NRXN3: variants seen among roughly 807,000 people sequenced by gnomAD.
NRXN3 encodes the protein neurexin 3.
In NRXN3, 32 loss-of-function variants were observed where a neutral mutation model predicts 137.6. The observed-to-expected ratio is 0.23, with a 90% CI of 0.18 to 0.31. The LOEUF (loss-of-function observed/expected upper bound fraction) is 0.31, where lower values mean the gene tolerates loss of function less well. Ranked by LOEUF, NRXN3 falls within the 10% of genes least tolerant of loss-of-function variation. The pLI is 1.00. For missense variants in NRXN3, 1,574 were observed against 2,062.5 expected (o/e 0.76, Z 4.59); for synonymous variants, 798 against 784.5 (o/e 1.02, Z -0.29).
intron 19 of NRXN3, among the ~76,000 whole-genome samples, chr14:79,756,576 G>A (rs376721912): frequency 7.9e-5 from 12 of 152,098 alleles, no homozygotes; most frequent in African/African-American, 2.7e-4. Context: ...ACCAGAGAAC[G>A]AAATATTAAT....
chr14:79,214,298 GCCTAGACTGTGCA>G (rs1488415037), intron 15 of NRXN3, among the ~76,000 whole-genome samples: 3 of 152,212 alleles, frequency 2.0e-5, no homozygotes, highest in African/African-American at 7.2e-5. Context: ...TTGATAAAGT[GCCTAGACTGTGCA>G]TTAGAGGCCA....
At chr14:78,954,910 T>G (rs1313935462) in intron 10 of NRXN3, among the ~76,000 whole-genome samples, 1 of 152,014 alleles carries the variant, frequency 6.6e-6, no homozygotes, top group East Asian at 1.9e-4. Flanking sequence ...CTGATGGACC[T>G]CCAAACGTTA....
chr14:78,533,420 A>T (rs1833635238), intron 4 of NRXN3, among the ~76,000 whole-genome samples: 1 of 152,014 alleles, frequency 6.6e-6, no homozygotes, highest in Non-Finnish European at 1.5e-5. Flanking sequence ...CACTGTGTAA[A>T]ATGCAAAGCT....
At chr14:79,339,669 T>G (rs1467590753) in intron 15 of NRXN3, among the ~76,000 whole-genome samples, 1 of 152,200 alleles carries the variant, frequency 6.6e-6, no homozygotes, top group Non-Finnish European at 1.5e-5. Context: ...TATTAAAGTT[T>G]GAGGAACACT....
chr14:79,604,534 CT>C (rs60892453), intron 16 of NRXN3, among the ~76,000 whole-genome samples: 161 of 145,242 alleles, frequency 1.1e-3, no homozygotes, highest in Non-Finnish European at 1.3e-3. Flanking sequence ...TGCTCCCGGA[CT>C]TTTTTTTTTT....
rs1389082817 is a variant in NRXN3, at chr14:79,697,612, C to T, written c.3707-18C>T. The T allele has an allele frequency of 2.5e-6, 4 of 1,605,014 alleles. No individual in the cohort carries two copies. Among genetic ancestry groups the T allele is most frequent in the Non-Finnish European group, 3.4e-6 (4 of 1,174,736 alleles). ...AAACGTATGAGAATAATAATGTTTC[C>T]TCCACCCAACCCACTAGGCCGGCAG... On this transcript the variant is annotated intron_variant, in intron 18 of 20. Coordinates refer to ENST00000335750, the MANE Select transcript of NRXN3 (RefSeq NM_001330195.2).
At chr14:79,002,642 C>G (rs1370806260) in intron 15 of NRXN3, among the ~76,000 whole-genome samples, 2 of 152,090 alleles carry the variant, frequency 1.3e-5, no homozygotes, top group Non-Finnish European at 2.9e-5. Flanking sequence ...GGTTGATTCC[C>G]TGTATTTGCT....
chr14:79,478,590 G>A (rs902100694), intron 16 of NRXN3, among the ~76,000 whole-genome samples: 32 of 152,204 alleles, frequency 2.1e-4, no homozygotes, highest in African/African-American at 7.0e-4. Flanking sequence ...AAATGGTAGA[G>A]GTGTAGCTAC....
intron 16 of NRXN3, among the ~76,000 whole-genome samples, chr14:79,644,706 GAAGA>G (rs1288385224): frequency 1.5e-5 from 2 of 135,756 alleles, no homozygotes; most frequent in Admixed American, 7.8e-5. Flanking sequence ...AAAGCTAAAG[GAAGA>G]AACAGCCGTG....
At chr14:79,070,100 T>A (rs2099685730) in intron 15 of NRXN3, among the ~76,000 whole-genome samples, 1 of 152,136 alleles carries the variant, frequency 6.6e-6, no homozygotes, top group African/African-American at 2.4e-5. Flanking sequence ...TTAGGAAGGA[T>A]GTTATGACCC....
chr14:79,489,932 G>A (rs1408052428), intron 16 of NRXN3, among the ~76,000 whole-genome samples: 2 of 151,016 alleles, frequency 1.3e-5, no homozygotes, highest in Non-Finnish European at 2.9e-5. Flanking sequence ...CCAGCTACTC[G>A]GGAGGCTGAG....
intron 17 of NRXN3, among the ~76,000 whole-genome samples, chr14:79,677,540 G>A (rs926267281): frequency 1.3e-5 from 2 of 151,968 alleles, no homozygotes; most frequent in South Asian, 2.1e-4. Flanking sequence ...CTCTAGAATC[G>A]GTAAAAATAA....
intron 1 of NRXN3, among the ~76,000 whole-genome samples, chr14:78,204,560 T>A (rs750045246): frequency 6.4e-4 from 98 of 152,292 alleles, no homozygotes; most frequent in Non-Finnish European, 1.1e-3. Context: ...AAATTAATGG[T>A]GGTAATGAAA....
chr14:79,164,052 C>G (rs1465499826), intron 15 of NRXN3, among the ~76,000 whole-genome samples: 4 of 151,946 alleles, frequency 2.6e-5, no homozygotes, highest in Admixed American at 6.6e-5. Context: ...TCTGACCTCA[C>G]TAGCTCTTCA....
chr14:78,718,282 T>G (rs913209268), intron 8 of NRXN3, among the ~76,000 whole-genome samples: 5 of 152,164 alleles, frequency 3.3e-5, no homozygotes, highest in African/African-American at 1.2e-4. Flanking sequence ...TGGAACTTCC[T>G]TGGGGGTGAG....
chr14:78,436,954 G>A (rs1053586989), intron 4 of NRXN3, among the ~76,000 whole-genome samples: 4 of 152,174 alleles, frequency 2.6e-5, no homozygotes, highest in African/African-American at 9.7e-5. Flanking sequence ...ACTCTGGCAG[G>A]TTTGAACTAC....
chr14:79,264,563 C>CGT (rs1394048851), intron 15 of NRXN3, among the ~76,000 whole-genome samples: 266 of 149,782 alleles, frequency 1.8e-3, no homozygotes, highest in African/African-American at 6.3e-3. Context: ...TGTGTGCGCG[C>CGT]GTGCATGTAT....
At chr14:78,305,273 G>A (rs1332595996) in intron 4 of NRXN3, among the ~76,000 whole-genome samples, 1 of 152,044 alleles carries the variant, frequency 6.6e-6, no homozygotes, top group Non-Finnish European at 1.5e-5. Context: ...CTTTAATAAC[G>A]ATCAAGAACT....
intron 19 of NRXN3, among the ~76,000 whole-genome samples, chr14:79,790,563 TC>T (rs1464789109): frequency 1.3e-5 from 2 of 149,656 alleles, no homozygotes; most frequent in Non-Finnish European, 1.5e-5. Flanking sequence ...CCCTCCTTCA[TC>T]CCCAAAAGTT....
Sources: gnomAD v4.1 joint callset for allele counts (sites outside exome capture counted in the v4.1 genomes callset) on GRCh38, gnomAD v4.1.1 for gene constraint, MANE v1.5 for transcripts, NCBI Gene and HGNC (gene_info 2026-07-23, HGNC 2026-07-21) for gene names.